The following BCAT1 variants were observed in gnomAD, a reference collection of about 807,000 sequenced individuals.
The protein encoded by BCAT1 is branched chain amino acid transaminase 1, also known as branched-chain-amino-acid aminotransferase, cytosolic.
BCAT1 carries 48 observed loss-of-function variants against 52.4 expected under a neutral mutation model. That is an observed-to-expected ratio of 0.92 (90% CI 0.73 to 1.16). The LOEUF is 1.16. Among genes scored for constraint, BCAT1 ranks in the 50% most tolerant of loss-of-function variants. The probability of loss-of-function intolerance (pLI) is 0.00; values close to 1 mark genes in which losing one functional copy is unlikely to be tolerated. For synonymous variants in BCAT1, 167 were observed against 161.3 expected, an observed-to-expected ratio of 1.04 and a Z score of -0.27; for missense variants, 451 against 457.1, an observed-to-expected ratio of 0.99 and a Z score of 0.12.
At chr12:24,941,493 C>T (rs1943848003) in intron 1 of BCAT1, among the ~76,000 whole-genome samples, 1 of 152,166 alleles carries the variant, frequency 6.6e-6, no homozygotes, top group Non-Finnish European at 1.5e-5. Context: ...CATTCAAAAA[C>T]AGAGAAGTAT....
At chr12:24,895,539 A>G (rs1436865791) in intron 2 of BCAT1, among the ~76,000 whole-genome samples, 1 of 151,764 alleles carries the variant, frequency 6.6e-6, no homozygotes. Flanking sequence ...AAAAAAAAAA[A>G]GAAAAGAAAA....
chr12:24,928,901 ATT>A (rs75965409), intron 1 of BCAT1, among the ~76,000 whole-genome samples: 4 of 151,412 alleles, frequency 2.6e-5, no homozygotes, highest in Non-Finnish European at 2.9e-5. Flanking sequence ...TGCCCGGCTA[ATT>A]TTTTTTATTT....
intron 1 of BCAT1, among the ~76,000 whole-genome samples, chr12:24,925,724 T>C (rs36070747): frequency 0.16 from 24,260 of 151,974 alleles, 2,488 homozygotes; most frequent in Non-Finnish European, 0.23. Context: ...CGAGTGCCTG[T>C]GATTGCAGGC....
intron 5 of BCAT1, among the ~76,000 whole-genome samples, chr12:24,855,826 C>A (rs35951011): frequency 6.6e-6 from 1 of 151,096 alleles, no homozygotes; most frequent in Non-Finnish European, 1.5e-5. Flanking sequence ...CAGAGTCTTG[C>A]CATGTTGACT....
At chr12:24,871,283 C>T (rs1208994306) in intron 5 of BCAT1, among the ~76,000 whole-genome samples, 1 of 152,156 alleles carries the variant, frequency 6.6e-6, no homozygotes, top group Non-Finnish European at 1.5e-5. Context: ...CAGCTGTTCA[C>T]TGGAGCATTG....
chr12:24,864,702 G>A (rs1038240006), intron 5 of BCAT1, among the ~76,000 whole-genome samples: 18 of 152,074 alleles, frequency 1.2e-4, no homozygotes, highest in Admixed American at 5.2e-4. Flanking sequence ...CCAGGGAGGC[G>A]TCCATTCTCT....
intron 1 of BCAT1, among the ~76,000 whole-genome samples, chr12:24,912,699 T>TA (rs10531528): frequency 0.012 from 1,586 of 135,460 alleles, 25 homozygotes; most frequent in African/African-American, 0.037. Flanking sequence ...ACCCCATCTC[T>TA]AAAAAAAAAA....
chr12:24,921,913 T>C (rs972678351), intron 1 of BCAT1, among the ~76,000 whole-genome samples: 7 of 151,970 alleles, frequency 4.6e-5, no homozygotes, highest in African/African-American at 1.7e-4. Context: ...ATGAAAAAAA[T>C]AGTAATGAAA....
Position 24,817,960 on chromosome 12 carries a change from G to C in BCAT1, c.*48C>G. The C allele has an allele frequency of 6.4e-7, 1 of 1,567,726 alleles. No homozygotes were observed. The highest frequency in any genetic ancestry group is 8.8e-7 in the Non-Finnish European group (1 of 1,139,040). ...TCAAATGCAACAGTCTGTCCCAGTA[G>C]CATACAGTTGGTATCCTCTATTTTC... On this transcript the variant is annotated 3_prime_UTR_variant, in exon 11 of 11. Transcript: ENST00000261192.
At chr12:24,879,993 C>T (rs888753244) in intron 4 of BCAT1, among the ~76,000 whole-genome samples, 2 of 152,140 alleles carry the variant, frequency 1.3e-5, no homozygotes, top group Non-Finnish European at 1.5e-5. Context: ...AGAAGAAGAG[C>T]GAAACTATGC....
Position 24,948,908 on chromosome 12 carries a change from C to A in BCAT1, c.6+19G>T, listed in dbSNP as rs561285020. On this transcript the variant is annotated intron_variant, in intron 1 of 10. Transcript: ENST00000261192. The stretch of plus-strand genomic sequence containing the variant: ...CGCACACATTTTTGTAAAACACGGA[C>A]AAAACCATAAGTAGTTACCTTCATT... 3.8e-6 allele frequency: 6 copies of A among 1,593,082 alleles called. No homozygotes were observed. The African/African-American group carries it at 8.0e-5, about 21-fold the overall frequency.
chr12:24,836,678 C>A (rs949231808), intron 7 of BCAT1, 82 bp from the exon 8 acceptor site: 3 of 1,202,806 alleles, frequency 2.5e-6, no homozygotes, highest in African/African-American at 3.0e-5. Flanking sequence ...TTTTAAAAAA[C>A]CATCACAATT....
intron 2 of BCAT1, among the ~76,000 whole-genome samples, chr12:24,897,598 G>A (rs1264834924): frequency 3.9e-5 from 6 of 152,144 alleles, no homozygotes; most frequent in African/African-American, 1.2e-4. Flanking sequence ...CTGTCACCCA[G>A]GCGGAAGAGC....
intron 1 of BCAT1, among the ~76,000 whole-genome samples, chr12:24,905,689 A>G (rs1385810241): frequency 6.6e-6 from 1 of 152,206 alleles, no homozygotes; most frequent in Non-Finnish European, 1.5e-5. Context: ...TAGTCACTGT[A>G]CTTACTAGTT....
At chr12:24,902,444 A>T in intron 1 of BCAT1, 1 of 1,040,526 alleles carries the variant, frequency 9.6e-7, no homozygotes, top group Non-Finnish European at 1.2e-6. Flanking sequence ...AGACACAGGG[A>T]AGCGGGACTA....
intron 2 of BCAT1, among the ~76,000 whole-genome samples, chr12:24,901,589 CAAAAT>C (rs1269139044): frequency 1.3e-5 from 2 of 152,130 alleles, no homozygotes; most frequent in African/African-American, 2.4e-5. Context: ...ATATATGACT[CAAAAT>C]AAAATCAGCA....
chr12:24,894,237 T>G, intron 3 of BCAT1, 38 bp downstream of exon 3: 1 of 1,596,290 alleles, frequency 6.3e-7, no homozygotes, highest in Non-Finnish European at 8.6e-7. Context: ...CACAGTGAAG[T>G]GCAAGCATGT....
upstream of BCAT1, chr12:24,949,107 G>C (rs1030126368): frequency 1.1e-5 from 7 of 611,856 alleles, no homozygotes; most frequent in African/African-American, 9.3e-5. Context: ...ATTGCAGACC[G>C]GCCCTCTCGC....
At chr12:24,826,436 T>C (rs781401655) in intron 10 of BCAT1, among the ~76,000 whole-genome samples, 1 of 152,142 alleles carries the variant, frequency 6.6e-6, no homozygotes, top group Admixed American at 6.6e-5. Flanking sequence ...CAAAGATGAG[T>C]TGGTTGTAAA....
Sources: gnomAD v4.1 joint callset for allele counts (sites outside exome capture counted in the v4.1 genomes callset) on GRCh38, gnomAD v4.1.1 for gene constraint, MANE v1.5 for transcripts, NCBI Gene and HGNC (gene_info 2026-07-23, HGNC 2026-07-21) for gene names.